The following BCAS3 variants were observed in gnomAD, a reference collection of about 807,000 sequenced individuals.
The protein encoded by BCAS3 is BCAS3 microtubule associated cell migration factor.
In BCAS3, 53 loss-of-function variants were observed where a neutral mutation model predicts 116.1. The observed-to-expected ratio is 0.46, with a 90% CI of 0.37 to 0.57. The LOEUF is 0.57. BCAS3 is among the 20% of genes least tolerant of loss of function. BCAS3 has a pLI of 0.00. For missense variants in BCAS3, 917 were observed against 1,165.4 expected (o/e 0.79, Z 3.10); for synonymous variants, 391 against 408.2 (o/e 0.96, Z 0.51).
rs1247055644 is a variant in BCAS3, at chr17:61,309,359, A to T, written c.2426-58968A>T. 6.6e-6 allele frequency among the ~76,000 whole-genome samples: 1 copy of T among 152,054 alleles called. No homozygotes were observed. Among genetic ancestry groups the T allele is most frequent in the Admixed American group, 6.5e-5 (1 of 15,268 alleles). ...GTGTCCATTTTTTGACGGAACTGGTATGGGCAGATGAGCATGCCTGAGTAC... is the reference window on the plus strand; with the variant it reads ...GTGTCCATTTTTTGACGGAACTGGTTTGGGCAGATGAGCATGCCTGAGTAC... On this transcript the variant is annotated intron_variant, in intron 22 of 23. Transcript: ENST00000407086. This position sits in a 1 kb window ranked among gnomAD's most constrained non-coding sequence, Gnocchi z 4.6.
At chr17:60,970,825 T>C (rs2061918683) in intron 14 of BCAS3, among the ~76,000 whole-genome samples, 1 of 152,174 alleles carries the variant, frequency 6.6e-6, no homozygotes, top group Non-Finnish European at 1.5e-5. Flanking sequence ...ACTTTCTTGA[T>C]GTTGATAGAA....
intron 14 of BCAS3, among the ~76,000 whole-genome samples, chr17:60,954,618 A>T (rs1235340049): frequency 6.6e-6 from 1 of 152,220 alleles, no homozygotes; most frequent in Non-Finnish European, 1.5e-5. Context: ...AATTTTAGTC[A>T]TTAACACAGT....
Position 61,023,588 on chromosome 17 carries a change from C to T in BCAS3, c.1637+7687C>T, listed in dbSNP as rs1327171839. Among the ~76,000 whole-genome samples the T allele has an allele frequency of 6.6e-6, 1 of 151,998 alleles. No homozygotes were observed. The highest frequency in any genetic ancestry group is 1.5e-5 in the Non-Finnish European group (1 of 68,000). The stretch of plus-strand genomic sequence containing the variant: ...TATTAAAAAAATTCTTCGTGTTTAC[C>T]TTGTTTTCAGCTAGTAAGATTGAAG... On this transcript the variant is annotated intron_variant, in intron 16 of 23. Transcript: ENST00000407086. The surrounding 1 kb of genome is among the most constrained non-coding windows in gnomAD (Gnocchi z 4.8).
chr17:60,793,284 A>T (rs2046932969), intron 6 of BCAS3, among the ~76,000 whole-genome samples: 1 of 151,808 alleles, frequency 6.6e-6, no homozygotes, highest in Non-Finnish European at 1.5e-5. Flanking sequence ...TTTAGTAGAG[A>T]TGGGGTTTCA....
intron 22 of BCAS3, among the ~76,000 whole-genome samples, chr17:61,185,265 A>G (rs2079700333): frequency 6.6e-6 from 1 of 152,286 alleles, no homozygotes; most frequent in African/African-American, 2.4e-5. Context: ...CTCACTCAAA[A>G]TAAATAATAA....
chr17:61,027,564 AGAATT>A (rs1234909361), intron 16 of BCAS3: 2 of 266,170 alleles, frequency 7.5e-6, no homozygotes, highest in East Asian at 2.0e-4. Context: ...GTCATAGAAA[AGAATT>A]CGAATATATT....
intron 22 of BCAS3, among the ~76,000 whole-genome samples, chr17:61,169,182 T>C (rs991300209): frequency 3.9e-5 from 6 of 152,234 alleles, no homozygotes; most frequent in African/African-American, 1.2e-4. Context: ...GTCATTCTTA[T>C]GTTCAGACAA....
intron 5 of BCAS3, among the ~76,000 whole-genome samples, chr17:60,718,027 C>T (rs538278417): frequency 6.6e-6 from 1 of 152,170 alleles, no homozygotes; most frequent in South Asian, 2.1e-4. Context: ...GCGCGGTTCA[C>T]GTTAGGGTTC....
At position 61,316,683 on chromosome 17, in the gene BCAS3, A is replaced by G. The variant is rs920656666; in HGVS notation, c.2426-51644A>G. On this transcript the variant is annotated intron_variant, in intron 22 of 23. Transcript: ENST00000407086. The surrounding 1 kb of genome is among the most constrained non-coding windows in gnomAD (Gnocchi z 5.8). ...GGAGAAGGAGGATAAAATAAAAGGA[A>G]AAGAAGAGGTATGAATTCTTTGGAA... Among the ~76,000 whole-genome samples the G allele has an allele frequency of 6.6e-6, 1 of 152,228 alleles. No homozygotes were observed. The highest frequency in any genetic ancestry group is 1.5e-5 in the Non-Finnish European group (1 of 68,042).
In BCAS3 at chr17:61,268,593, TG is replaced by T. The variant is rs564519040; in HGVS notation, c.2426-99733del. Among the ~76,000 whole-genome samples, 347 of 152,088 alleles carry T rather than the reference TG, an allele frequency of 2.3e-3. 3 individuals are homozygous for T. Among genetic ancestry groups the T allele is most frequent in the African/African-American group, 7.9e-3 (328 of 41,436 alleles). ...CTTTCTGGGTTTTTTTTGTTTTTTT[TG>T]TTTTTTGAGACACAGCCTCATTCTG... On this transcript the variant is annotated intron_variant, in intron 22 of 23. Transcript: ENST00000407086.
chr17:60,973,580 A>T (rs907982609), intron 14 of BCAS3, among the ~76,000 whole-genome samples: 1 of 134,400 alleles, frequency 7.4e-6, no homozygotes, highest in African/African-American at 3.6e-5. Context: ...CTATTACCTT[A>T]TTATTAATAT....
rs545011495 is a variant in BCAS3 at position 61,235,656 on chromosome 17, C to T, written c.2426-132671C>T. 2.0e-5 allele frequency among the ~76,000 whole-genome samples: 3 copies of T among 149,672 alleles called. No individual in the cohort carries two copies. The highest frequency in any genetic ancestry group is 2.1e-4 in the South Asian group (1 of 4,750). On this transcript the variant is annotated intron_variant, in intron 22 of 23. Coordinates refer to ENST00000407086, the MANE Select transcript of BCAS3 (RefSeq NM_017679.5). This position sits in a 1 kb window ranked among gnomAD's most constrained non-coding sequence, Gnocchi z 5.0. ...GCCATGAAGCTTTTGACCTTTTCAC[C>T]TTTAAACTTTGTTTGAACTTGGAAA...
chr17:61,003,869 T>C (rs1318369023), intron 15 of BCAS3: 1 of 152,178 alleles, frequency 6.6e-6, no homozygotes, highest in East Asian at 1.9e-4. Context: ...TACCGCCTTA[T>C]AGGTATCAGT....
chr17:61,011,147 A>C (rs1434459758), intron 15 of BCAS3, among the ~76,000 whole-genome samples: 1 of 149,290 alleles, frequency 6.7e-6, no homozygotes, highest in African/African-American at 2.6e-5. Flanking sequence ...TCATGCAATA[A>C]AGGAAAAAAT....
At chr17:61,044,691 G>A (rs901208144) in intron 19 of BCAS3, among the ~76,000 whole-genome samples, 2 of 151,542 alleles carry the variant, frequency 1.3e-5, no homozygotes, top group Non-Finnish European at 2.9e-5. Flanking sequence ...TCTAAATCCA[G>A]CAATAACTTG....
At position 60,974,987 on chromosome 17, in the gene BCAS3, TTTTGCTTTTTTG is replaced by T. The variant is rs1397051028; in HGVS notation, c.1222-14980_1222-14969del. On this transcript the variant is annotated intron_variant, in intron 14 of 23. Coordinates refer to ENST00000407086, the MANE Select transcript of BCAS3 (RefSeq NM_017679.5). ...TCAAGCCATTTGTTTTTTTTGTTTT[TTTTGCTTTTTTG>T]TTTTTTTTTTTTTGAGACGGAGTCT... Among the ~76,000 whole-genome samples, 10 of 138,328 alleles carry T rather than the reference TTTTGCTTTTTTG, an allele frequency of 7.2e-5. 1 individual carries two copies. Among genetic ancestry groups the T allele is most frequent in the African/African-American group, 3.5e-4 (10 of 28,320 alleles). 90.7% of individuals were successfully genotyped at this position (138,328 alleles called of 152,430 possible).
intron 15 of BCAS3, among the ~76,000 whole-genome samples, chr17:61,014,286 T>TTA (rs2145526792): frequency 6.6e-6 from 1 of 152,168 alleles, no homozygotes; most frequent in South Asian, 2.1e-4. Flanking sequence ...GAGGTAATTT[T>TTA]TATAGTTTCT....
At chr17:60,755,524 G>A (rs2144315622) in intron 6 of BCAS3, among the ~76,000 whole-genome samples, 1 of 152,254 alleles carries the variant, frequency 6.6e-6, no homozygotes, top group East Asian at 1.9e-4. Context: ...GTTCCCTGAA[G>A]ATACTCTCTG....
chr17:61,241,209 G>C lies in BCAS3; in HGVS notation c.2426-127118G>C, dbSNP rs1312370044. Among the ~76,000 whole-genome samples the C allele has an allele frequency of 1.3e-5, 2 of 152,124 alleles. No individual in the cohort carries two copies. Among genetic ancestry groups the C allele is most frequent in the Non-Finnish European group, 2.9e-5 (2 of 68,028 alleles). On this transcript the variant is annotated intron_variant, in intron 22 of 23. Coordinates refer to ENST00000407086, the MANE Select transcript of BCAS3 (RefSeq NM_017679.5). This position sits in a 1 kb window ranked among gnomAD's most constrained non-coding sequence, Gnocchi z 4.6. Reference sequence around the variant, plus strand: ...TGAATGTGATTGCAAAAGTCAGTGAGGACTCTGTTATTACTACGAATTTGT... The same window carrying C: ...TGAATGTGATTGCAAAAGTCAGTGACGACTCTGTTATTACTACGAATTTGT...
Sources: gnomAD v4.1 joint callset for allele counts (sites outside exome capture counted in the v4.1 genomes callset) on GRCh38, gnomAD v4.1.1 for gene constraint, Gnocchi (gnomAD v3.1) non-coding constraint, MANE v1.5 for transcripts, NCBI Gene and HGNC (gene_info 2026-07-23, HGNC 2026-07-21) for gene names.